Variants in PHGR1 observed in about 807,000 individuals in gnomAD.
The protein encoded by PHGR1 is proline, histidine and glycine-rich protein 1.
Under a neutral mutation model 4.9 loss-of-function variants are expected in PHGR1, and 3 were observed. The observed-to-expected ratio is 0.61, with a 90% CI of 0.28 to 1.58. PHGR1 has a LOEUF of 1.58. Ranked by LOEUF, PHGR1 falls within the 40% of genes most tolerant of loss-of-function variation. The pLI, the probability that PHGR1 is intolerant of heterozygous loss-of-function variation, is 0.11. For synonymous variants in PHGR1, 32 were observed against 46.1 expected, an observed-to-expected ratio of 0.69 and a Z score of 1.24; for missense variants, 81 against 118.7, an observed-to-expected ratio of 0.68 and a Z score of 1.48.
rs1264440278 is a variant in PHGR1, at chr15:40,356,156, AC to A, written c.109del (p.His37ThrfsTer71). The A allele has an allele frequency of 4.2e-6, 6 of 1,434,404 alleles. No homozygotes were observed. Among genetic ancestry groups the A allele is most frequent in the Admixed American group, 2.2e-5 (1 of 44,526 alleles). 88.9% of individuals were successfully genotyped at this position (1,434,404 alleles called of 1,614,324 possible). On this transcript the variant is annotated frameshift_variant, in exon 4 of 4. Transcript: ENST00000448599. LOFTEE classifies it low-confidence loss of function (END_TRUNC). ...PGHGPGPCGPPPHHGPGPCGP... is the reference protein window; with the variant it reads ...PGHGPGPCGPXPHHGPGPCGP... ...GCCATGGCCCAGGGCCCTGCGGGCC[AC>A]CCCCCCACCATGGTCCAGGGCCCTG...
At chr15:40,352,053 A>G (rs2141254071) in intron 1 of PHGR1, among the ~76,000 whole-genome samples, 1 of 152,224 alleles carries the variant, frequency 6.6e-6, no homozygotes, top group East Asian at 1.9e-4. Context: ...AATTTTTTTA[A>G]TTAGCTGGGT....
intron 3 of PHGR1, 103 bp from the exon 4 acceptor site, chr15:40,355,970 A>C: frequency 8.0e-7 from 1 of 1,254,886 alleles, no homozygotes; most frequent in Non-Finnish European, 1.1e-6. Context: ...TTACTTGCCT[A>C]GAAATCCTGA....
At chr15:40,353,147 G>A (rs1252758904) in intron 1 of PHGR1, 85 bp from the exon 2 acceptor site, 3 of 1,037,592 alleles carry the variant, frequency 2.9e-6, no homozygotes, top group African/African-American at 2.0e-5. Context: ...GTGTGTGTGT[G>A]CGCGCGCGCG....
Position 40,354,809 on chromosome 15 carries a change from C to T in PHGR1, c.18+457C>T, listed in dbSNP as rs193079210. Among the ~76,000 whole-genome samples, 478 of 152,292 alleles carry T rather than the reference C, an allele frequency of 3.1e-3. 1 individual carries two copies. Among genetic ancestry groups the T allele is most frequent in the Admixed American group, 7.8e-3 (120 of 15,308 alleles). On this transcript the variant is annotated intron_variant, in intron 3 of 3. Transcript: ENST00000448599. ...CCACCTCTTCTCACCCACTGGCTACCACCAGCAGACTCAGTTCCTAGGCCT... is the reference window on the plus strand; with the variant it reads ...CCACCTCTTCTCACCCACTGGCTACTACCAGCAGACTCAGTTCCTAGGCCT...
At chr15:40,354,373 G>A (rs953871675) in intron 3 of PHGR1, 21 bp downstream of exon 3, 4 of 1,533,966 alleles carry the variant, frequency 2.6e-6, no homozygotes, top group Non-Finnish European at 3.5e-6. Flanking sequence ...TCCCCCAATG[G>A]TCTCCCCTTT....
intron 3 of PHGR1, among the ~76,000 whole-genome samples, 172 bp from the exon 4 acceptor site, chr15:40,355,901 C>T (rs1889286197): frequency 6.6e-6 from 1 of 152,228 alleles, no homozygotes; most frequent in South Asian, 2.1e-4. Flanking sequence ...GTTCTGGCCT[C>T]ACCAAGGCAA....
At chr15:40,353,568 T>C (rs563553700) in intron 2 of PHGR1, 81 of 385,742 alleles carry the variant, frequency 2.1e-4, no homozygotes, top group Middle Eastern at 1.5e-3. Flanking sequence ...GGAAAGGCCA[T>C]AGAGGTGCAG....
intron 3 of PHGR1, among the ~76,000 whole-genome samples, 197 bp from the exon 4 acceptor site, chr15:40,355,876 T>G (rs78611791): frequency 0.043 from 6,622 of 152,304 alleles, 214 homozygotes; most frequent in Non-Finnish European, 0.065. Flanking sequence ...GTTGCTTGCC[T>G]TTTATCTGCT....
At chr15:40,353,188 G>T (rs1889236395) in intron 1 of PHGR1, 44 bp from the exon 2 acceptor site, 1 of 1,531,966 alleles carries the variant, frequency 6.5e-7, no homozygotes, top group Non-Finnish European at 8.8e-7. Flanking sequence ...AGGAAAGACT[G>T]CAATTTAGAT....
At position 40,354,371 on chromosome 15, in the gene PHGR1, T is replaced by C. The variant is rs1334824485; in HGVS notation, c.18+19T>C. On this transcript the variant is annotated intron_variant, in intron 3 of 3. Transcript: ENST00000448599. ...TCCGAAGGTAGGAAAGTTCCCCCAA[T>C]GGTCTCCCCTTTTTCCTCCCACTGT... is the stretch of plus-strand genomic sequence containing the variant. 3.3e-6 allele frequency: 5 copies of C among 1,534,150 alleles called. No homozygotes were observed. The highest frequency in any genetic ancestry group is 2.0e-5 in the Admixed American group (1 of 50,980).
chr15:40,353,112 TGTGTGTG>T, intron 1 of PHGR1, 113 bp from the exon 2 acceptor site: 1 of 86,024 alleles, frequency 1.2e-5, no homozygotes, highest in East Asian at 1.8e-3. Context: ...CTTTGAAGGG[TGTGTGTG>T]TGTGTGTGTG....
intron 1 of PHGR1, among the ~76,000 whole-genome samples, chr15:40,351,467 T>C (rs188830266): frequency 6.6e-6 from 1 of 152,104 alleles, no homozygotes; most frequent in East Asian, 1.9e-4. Flanking sequence ...TTTCTTTACC[T>C]CTCCTCCCCG....
intron 3 of PHGR1, among the ~76,000 whole-genome samples, chr15:40,355,021 A>C (rs1889268440): frequency 6.6e-6 from 1 of 152,128 alleles, no homozygotes; most frequent in South Asian, 2.1e-4. Flanking sequence ...AAGCCCTAGG[A>C]GGCAGAAGGA....
chr15:40,354,015 C>T (rs761463335), intron 2 of PHGR1, among the ~76,000 whole-genome samples: 4 of 152,130 alleles, frequency 2.6e-5, no homozygotes, highest in Non-Finnish European at 5.9e-5. Flanking sequence ...AGGTGGATGA[C>T]AGGGTTGGCC....
In PHGR1 at chr15:40,356,296, A is replaced by T. The variant is rs1050808740; in HGVS notation, c.242A>T (p.His81Leu). ...HGPGHPPPGPHH is the reference protein window; with the variant it reads ...HGPGHPPPGPLH Reference sequence around the variant, plus strand: ...CCAGGTCACCCACCCCCTGGTCCACATCACTGAGGAAGTAGAAGAAAACAG... The same window carrying T: ...CCAGGTCACCCACCCCCTGGTCCACTTCACTGAGGAAGTAGAAGAAAACAG... Residue 81 changes from histidine (H) to leucine (L), a missense_variant, in exon 4 of 4, where the codon CAT becomes CTT. Coordinates refer to ENST00000448599, the MANE Select transcript of PHGR1 (RefSeq NM_001145643.2). 1 of 1,548,412 alleles carries T rather than the reference A, an allele frequency of 6.5e-7. No homozygotes were observed. Among genetic ancestry groups the T allele is most frequent in the Non-Finnish European group, 8.7e-7 (1 of 1,146,154 alleles).
intron 3 of PHGR1, among the ~76,000 whole-genome samples, chr15:40,354,651 G>A (rs542579289): frequency 4.7e-4 from 71 of 152,152 alleles, no homozygotes; most frequent in African/African-American, 1.6e-3. Flanking sequence ...CTGCTTCCCC[G>A]CCTGTGCTAT....
intron 1 of PHGR1, among the ~76,000 whole-genome samples, chr15:40,352,934 G>A (rs80241215): frequency 0.011 from 1,681 of 152,298 alleles, 25 homozygotes; most frequent in African/African-American, 0.038. Flanking sequence ...GGGGGCAAGT[G>A]TAAGAGTATG....
intron 1 of PHGR1, 122 bp from the exon 2 acceptor site, chr15:40,353,110 G>GGTGTGTGTGTGTGTGTGT (rs57886573): frequency 2.1e-5 from 12 of 565,302 alleles, no homozygotes; most frequent in African/African-American, 1.4e-4. Context: ...TCCTTTGAAG[G>GGTGTGTGTGTGTGTGTGT]GTGTGTGTGT....
In PHGR1 at chr15:40,353,245, T is replaced by C; in HGVS notation, c.-13T>C. On this transcript the variant is annotated 5_prime_UTR_variant, in exon 2 of 4. Coordinates refer to ENST00000448599, the MANE Select transcript of PHGR1 (RefSeq NM_001145643.2). ...TTTTGAACACAGGTATTCCCTGCTC[T>C]TACTCCAAAAAGATGGACCCAGGTA... 6.4e-7 allele frequency: 1 copy of C among 1,551,526 alleles called. No homozygotes were observed. Among genetic ancestry groups the C allele is most frequent in the African/African-American group, 1.4e-5 (1 of 73,132 alleles).
Sources: gnomAD v4.1 joint callset for allele counts (sites outside exome capture counted in the v4.1 genomes callset) on GRCh38, gnomAD v4.1.1 for gene constraint, MANE v1.5 for transcripts, NCBI Gene and HGNC (gene_info 2026-07-23, HGNC 2026-07-21) for gene names.